Variants in SGCZ observed in about 807,000 individuals in gnomAD.
The protein encoded by SGCZ is zeta-sarcoglycan.
In SGCZ, 40 loss-of-function variants were observed where a neutral mutation model predicts 41.3. The ratio of observed to expected loss-of-function variants is 0.97; its 90% confidence interval spans 0.75 to 1.26. The LOEUF is 1.26. SGCZ is among the 50% of genes most tolerant of loss of function. The pLI is 0.00. For synonymous variants in SGCZ, 206 were observed against 137.5 expected, an observed-to-expected ratio of 1.50 and a Z score of -3.49; for missense variants, 552 against 369.8, an observed-to-expected ratio of 1.49 and a Z score of -4.04.
intron 1 of SGCZ, among the ~76,000 whole-genome samples, chr8:14,888,631 T>A (rs556480247): frequency 6.6e-6 from 1 of 152,290 alleles, no homozygotes; most frequent in East Asian, 1.9e-4. Context: ...AAAGAAAATA[T>A]TGACTCCTTT....
At chr8:14,776,519 T>TG (rs1484469362) in intron 1 of SGCZ, among the ~76,000 whole-genome samples, 1 of 53,174 alleles carries the variant, frequency 1.9e-5, no homozygotes, top group Non-Finnish European at 4.9e-5. Flanking sequence ...TTTCTTTTTC[T>TG]TTTTTTTTTT....
chr8:14,926,452 C>G (rs1388342025), intron 1 of SGCZ, among the ~76,000 whole-genome samples: 1 of 152,068 alleles, frequency 6.6e-6, no homozygotes, highest in Non-Finnish European at 1.5e-5. Context: ...TCATCCCTAT[C>G]AAACATGCAC....
rs995786036 is a variant in SGCZ at position 14,364,167 on chromosome 8, C to G, written c.235-39963G>C. On this transcript the variant is annotated intron_variant, in intron 2 of 7. Transcript: ENST00000382080. Reference sequence around the variant, plus strand: ...TTCTATGAAAATCCTATTTTTAACACTAGTTGTTGAGATCATTCAATAATG... The same window carrying G: ...TTCTATGAAAATCCTATTTTTAACAGTAGTTGTTGAGATCATTCAATAATG... Among the ~76,000 whole-genome samples the G allele has an allele frequency of 3.3e-5, 5 of 152,056 alleles. No homozygotes were observed. The East Asian group carries it at 7.7e-4, about 23-fold the overall frequency.
intron 2 of SGCZ, among the ~76,000 whole-genome samples, chr8:14,445,332 C>T (rs924575625): frequency 6.6e-6 from 1 of 152,122 alleles, no homozygotes; most frequent in Non-Finnish European, 1.5e-5. Flanking sequence ...TCGAATGTTG[C>T]CTTTTCCAAA....
At chr8:14,709,770 A>G (rs927339961) in intron 1 of SGCZ, among the ~76,000 whole-genome samples, 3 of 152,176 alleles carry the variant, frequency 2.0e-5, no homozygotes, top group African/African-American at 7.2e-5. Flanking sequence ...ACATTGCAAG[A>G]GGAGTATATG....
chr8:14,266,979 T>C (rs1300744971), intron 3 of SGCZ, among the ~76,000 whole-genome samples: 1 of 152,088 alleles, frequency 6.6e-6, no homozygotes, highest in Admixed American at 6.5e-5. Flanking sequence ...AGGACAAAAG[T>C]GGAATTTAAG....
At chr8:14,638,882 G>C (rs1245593279) in intron 1 of SGCZ, among the ~76,000 whole-genome samples, 1 of 151,660 alleles carries the variant, frequency 6.6e-6, no homozygotes, top group East Asian at 1.9e-4. Flanking sequence ...AATCATGTGT[G>C]GCATTCATCA....
intron 2 of SGCZ, among the ~76,000 whole-genome samples, chr8:14,377,074 C>A (rs1256996788): frequency 6.6e-6 from 1 of 152,108 alleles, no homozygotes; most frequent in Non-Finnish European, 1.5e-5. Context: ...TCTTGATGGG[C>A]CCCTATATAG....
intron 1 of SGCZ, among the ~76,000 whole-genome samples, chr8:15,015,140 G>C (rs1230390442): frequency 6.6e-6 from 1 of 152,078 alleles, no homozygotes; most frequent in Admixed American, 6.5e-5. Context: ...CTACTTGGGA[G>C]GCTGAGGTGG....
chr8:14,517,900 A>G (rs1802672295), intron 2 of SGCZ, among the ~76,000 whole-genome samples: 1 of 151,582 alleles, frequency 6.6e-6, no homozygotes, highest in African/African-American at 2.4e-5. Context: ...TTTATCCCCT[A>G]TTTTTCATAA....
At chr8:14,317,615 T>C (rs1801761659) in intron 3 of SGCZ, among the ~76,000 whole-genome samples, 1 of 151,886 alleles carries the variant, frequency 6.6e-6, no homozygotes, top group African/African-American at 2.4e-5. Context: ...ACAGGAAATA[T>C]GCAATGCTTA....
chr8:14,311,985 C>T (rs1199852750), intron 3 of SGCZ, among the ~76,000 whole-genome samples: 1 of 152,102 alleles, frequency 6.6e-6, no homozygotes. Flanking sequence ...GATTCCATTA[C>T]ATATGTGACA....
chr8:14,750,833 C>T (rs1342160536), intron 1 of SGCZ, among the ~76,000 whole-genome samples: 1 of 152,156 alleles, frequency 6.6e-6, no homozygotes, highest in Non-Finnish European at 1.5e-5. Flanking sequence ...ATTACTGTGC[C>T]TATTCAGGTT....
intron 7 of SGCZ, among the ~76,000 whole-genome samples, chr8:14,099,199 C>A (rs1355840029): frequency 1.3e-5 from 2 of 152,142 alleles, no homozygotes; most frequent in African/African-American, 4.8e-5. Context: ...TGAACTTGAG[C>A]ATATCTTTTT....
intron 1 of SGCZ, among the ~76,000 whole-genome samples, chr8:15,106,177 A>G (rs1392883628): frequency 6.6e-6 from 1 of 152,138 alleles, no homozygotes; most frequent in Non-Finnish European, 1.5e-5. Context: ...CATTAGTAGC[A>G]TCTTTTACTA....
chr8:15,121,498 T>C (rs948572879), intron 1 of SGCZ, among the ~76,000 whole-genome samples: 1 of 152,142 alleles, frequency 6.6e-6, no homozygotes, highest in Non-Finnish European at 1.5e-5. Context: ...GCAACAGTGC[T>C]AGGCAAAAAA....
At chr8:14,195,488 A>C (rs546060464) in intron 4 of SGCZ, among the ~76,000 whole-genome samples, 21 of 152,278 alleles carry the variant, frequency 1.4e-4, no homozygotes, top group African/African-American at 5.1e-4. Flanking sequence ...AGACAGAAAA[A>C]AATAATTGGA....
intron 4 of SGCZ, among the ~76,000 whole-genome samples, chr8:14,202,835 T>C (rs913508548): frequency 8.5e-5 from 13 of 152,184 alleles, no homozygotes; most frequent in African/African-American, 3.1e-4. Flanking sequence ...TTGTAGATGA[T>C]ATGGATATGG....
rs1302853188 is a variant in SGCZ, at chr8:14,656,359, TTCC to T, written c.40-101436_40-101434del. ...CCTCCCTTCCTTCTCTCCTTCCTTC[TTCC>T]TTTTCTTTTCGTTTTTTCTTCTTTT... On this transcript the variant is annotated intron_variant, in intron 1 of 7. Transcript: ENST00000382080. Among the ~76,000 whole-genome samples, 8 of 149,664 alleles carry T rather than the reference TTCC, an allele frequency of 5.3e-5. 1 individual carries two copies. Among genetic ancestry groups the T allele is most frequent in the South Asian group, 2.1e-4 (1 of 4,720 alleles).
Sources: gnomAD v4.1 joint callset for allele counts (sites outside exome capture counted in the v4.1 genomes callset) on GRCh38, gnomAD v4.1.1 for gene constraint, MANE v1.5 for transcripts, NCBI Gene and HGNC (gene_info 2026-07-23, HGNC 2026-07-21) for gene names.